The following DOK5 variants were observed in gnomAD, a reference collection of about 807,000 sequenced individuals.
DOK5 encodes downstream of tyrosine kinase 5.
In DOK5, 27 loss-of-function variants were observed where a neutral mutation model predicts 43.3. The observed-to-expected ratio is 0.62, with a 90% CI of 0.46 to 0.86. The LOEUF is 0.86. Ranked by LOEUF, DOK5 falls within the 40% of genes least tolerant of loss-of-function variation. The pLI is 0.00. For synonymous variants in DOK5, 146 were observed against 140.1 expected (o/e 1.04, Z -0.30); for missense variants, 373 against 392.9 (o/e 0.95, Z 0.43).
intron 1 of DOK5, among the ~76,000 whole-genome samples, chr20:54,551,202 G>A (rs1376482451): frequency 2.0e-5 from 3 of 152,116 alleles, no homozygotes; most frequent in Non-Finnish European, 2.9e-5. Context: ...CACCCTCTCC[G>A]GTGAGATGTC....
chr20:54,489,367 C>A (rs975688408), intron 1 of DOK5, among the ~76,000 whole-genome samples: 2 of 152,052 alleles, frequency 1.3e-5, no homozygotes, highest in African/African-American at 4.8e-5. Flanking sequence ...TGAATAGTCT[C>A]TTCCAGAATA....
At chr20:54,637,876 A>T (rs1056670634) in intron 6 of DOK5, among the ~76,000 whole-genome samples, 1 of 152,208 alleles carries the variant, frequency 6.6e-6, no homozygotes, top group African/African-American at 2.4e-5. Flanking sequence ...TAATCCCAGC[A>T]CTTTGGGAGG....
At chr20:54,516,235 C>A (rs1983192426) in intron 1 of DOK5, among the ~76,000 whole-genome samples, 2 of 152,104 alleles carry the variant, frequency 1.3e-5, no homozygotes, top group Middle Eastern at 3.4e-3. Flanking sequence ...TCATTGTCAG[C>A]TACAGATACA....
intron 2 of DOK5, among the ~76,000 whole-genome samples, chr20:54,583,754 C>G (rs1469604114): frequency 6.6e-6 from 1 of 152,076 alleles, no homozygotes; most frequent in African/African-American, 2.4e-5. Flanking sequence ...CATTTTTTCA[C>G]TCTCAGCCTA....
intron 1 of DOK5, among the ~76,000 whole-genome samples, chr20:54,504,445 GT>G (rs1262514980): frequency 6.6e-6 from 1 of 152,220 alleles, no homozygotes; most frequent in Non-Finnish European, 1.5e-5. Flanking sequence ...AGATCTGGAA[GT>G]TTTAGGGGGG....
intron 6 of DOK5, among the ~76,000 whole-genome samples, chr20:54,620,413 A>G (rs1194376304): frequency 6.6e-6 from 1 of 152,006 alleles, no homozygotes; most frequent in East Asian, 1.9e-4. Flanking sequence ...TAATTTTTGT[A>G]TTTTTAGTAG....
At chr20:54,492,281 C>T (rs764961503) in intron 1 of DOK5, among the ~76,000 whole-genome samples, 52 of 152,092 alleles carry the variant, frequency 3.4e-4, no homozygotes, top group Admixed American at 1.8e-3. Context: ...CATAAAAGTG[C>T]GTGTACTTGT....
chr20:54,511,469 A>AT (rs1211734029), intron 1 of DOK5, among the ~76,000 whole-genome samples: 1 of 152,198 alleles, frequency 6.6e-6, no homozygotes, highest in Non-Finnish European at 1.5e-5. Flanking sequence ...ATAGCTGATA[A>AT]TTTTTTAAAA....
At chr20:54,494,894 T>A (rs946268030) in intron 1 of DOK5, 3 of 152,024 alleles carry the variant, frequency 2.0e-5, no homozygotes, top group Non-Finnish European at 4.4e-5. Context: ...AGCAACCTGA[T>A]ATGTAACTGC....
intron 6 of DOK5, among the ~76,000 whole-genome samples, chr20:54,638,684 C>T (rs781302290): frequency 6.6e-5 from 10 of 151,562 alleles, no homozygotes; most frequent in Admixed American, 2.6e-4. Flanking sequence ...GTAGGTTATA[C>T]GGGGTCAGGA....
intron 1 of DOK5, among the ~76,000 whole-genome samples, chr20:54,487,494 T>A (rs1398609754): frequency 6.6e-6 from 1 of 152,158 alleles, no homozygotes; most frequent in Non-Finnish European, 1.5e-5. Context: ...AGTGCAGGTA[T>A]TATATGACCA....
At chr20:54,594,156 A>G (rs1477633891) in intron 5 of DOK5, among the ~76,000 whole-genome samples, 1 of 152,172 alleles carries the variant, frequency 6.6e-6, no homozygotes, top group Non-Finnish European at 1.5e-5. Context: ...ACTTAAAACA[A>G]AAGTTTTTTA....
At chr20:54,580,477 G>A (rs186596750) in intron 2 of DOK5, among the ~76,000 whole-genome samples, 34 of 152,134 alleles carry the variant, frequency 2.2e-4, no homozygotes, top group Middle Eastern at 3.4e-3. Flanking sequence ...AGCACACAAA[G>A]TTTCCAATGT....
chr20:54,572,414 G>A (rs986374712), intron 2 of DOK5, among the ~76,000 whole-genome samples: 1 of 151,916 alleles, frequency 6.6e-6, no homozygotes, highest in African/African-American at 2.4e-5. Context: ...AGCCCACCTC[G>A]GCCTCTCAAA....
At chr20:54,618,576 C>A (rs1185713515) in intron 6 of DOK5, among the ~76,000 whole-genome samples, 1 of 152,136 alleles carries the variant, frequency 6.6e-6, no homozygotes, top group African/African-American at 2.4e-5. Context: ...AACTCCTGAC[C>A]TTGTGGTCTG....
chr20:54,623,897 T>TA (rs1987062183), intron 6 of DOK5, among the ~76,000 whole-genome samples: 1 of 152,154 alleles, frequency 6.6e-6, no homozygotes, highest in Non-Finnish European at 1.5e-5. Flanking sequence ...CCTTCTTACT[T>TA]ACACAAACCA....
chr20:54,646,252 T>TTTTTTTTTTTTTTTTTTTTTTG (rs1979417725), intron 7 of DOK5, among the ~76,000 whole-genome samples: 1 of 103,674 alleles, frequency 9.6e-6, no homozygotes, highest in African/African-American at 9.6e-5. Flanking sequence ...TATACTGTTT[T>TTTTTTTTTTTTTTTTTTTTTTG]TTTTTTTTTT....
chr20:54,513,739 C>G lies in DOK5; in HGVS notation c.66+37727C>G, dbSNP rs1445817627. Among the ~76,000 whole-genome samples, 9 of 152,256 alleles carry G rather than the reference C, an allele frequency of 5.9e-5. No homozygotes were observed. The South Asian group carries it at 8.3e-4, about 14-fold the overall frequency. On this transcript the variant is annotated intron_variant, in intron 1 of 7. Coordinates refer to ENST00000262593, the MANE Select transcript of DOK5 (RefSeq NM_018431.5). ...ATTTTAGACAGCTGATGTTGACTAT[C>G]CTTTGTCTTCTGCAGAATAGGGTAA...
chr20:54,544,765 C>A (rs1279953977), intron 1 of DOK5, among the ~76,000 whole-genome samples: 1 of 151,920 alleles, frequency 6.6e-6, no homozygotes, highest in African/African-American at 2.4e-5. Flanking sequence ...GTGGGGGCCA[C>A]AGGATCAGTT....
Sources: allele counts gnomAD v4.1 joint callset (sites outside exome capture counted in the v4.1 genomes callset), GRCh38; gene constraint gnomAD v4.1.1; transcripts MANE v1.5; gene names NCBI Gene and HGNC (gene_info 2026-07-23, HGNC 2026-07-21).